The following CCDC88B variants were observed in gnomAD, a reference collection of about 807,000 sequenced individuals.
CCDC88B encodes the protein coiled-coil domain-containing protein 88B.
A neutral mutation model predicts 183.7 loss-of-function variants in CCDC88B; 138 were observed. The ratio of observed to expected loss-of-function variants is 0.75; its 90% CI spans 0.65 to 0.87. CCDC88B has a LOEUF of 0.87. Ranked by LOEUF, CCDC88B falls within the 40% of genes least tolerant of loss-of-function variation. The pLI, the probability that CCDC88B is intolerant of heterozygous loss-of-function variation, is 0.00. For synonymous variants in CCDC88B, 835 were observed against 867.5 expected (o/e 0.96, Z 0.66); for missense variants, 1,822 against 1,965.6 (o/e 0.93, Z 1.38).
At chr11:64,343,428 A>T in intron 11 of CCDC88B, 79 bp from the exon 12 acceptor site, 1 of 1,535,256 alleles carries the variant, frequency 6.5e-7, no homozygotes, top group Non-Finnish European at 8.8e-7. Flanking sequence ...GCTCTTGGTG[A>T]CCTCTAGTGA....
At chr11:64,351,805 A>G (rs557789275) in intron 18 of CCDC88B, among the ~76,000 whole-genome samples, 189 bp downstream of exon 18, 12 of 143,620 alleles carry the variant, frequency 8.4e-5, no homozygotes, top group Admixed American at 2.7e-4. Context: ...ATCTCCTCCT[A>G]CCTGCCGCCA....
chr11:64,352,140 C>T lies in CCDC88B; in HGVS notation c.3110C>T (p.Ser1037Phe), dbSNP rs114080591. 461 of 1,572,574 alleles carry T rather than the reference C, an allele frequency of 2.9e-4. 3 individuals are homozygous for T. The African/African-American group carries it at 5.7e-3, about 19-fold the overall frequency. Residue 1037 changes from serine (S) to phenylalanine (F), a missense_variant, in exon 19 of 27, where the codon TCT (serine) becomes TTT (phenylalanine). By Grantham distance (155) the Ser-to-Phe change is radical (BLOSUM62 -2). Coordinates refer to ENST00000356786, the MANE Select transcript of CCDC88B (RefSeq NM_032251.6). ...CCTCCTCCATCCTAGGCCGAGAAGT[C>T]TGTGCTGGAGATTCAGGGCCAGGAG... ...EHSSRLQAEK[S>F]VLEIQGQELH...
At position 64,357,026 on chromosome 11, in the gene CCDC88B, C is replaced by T. The variant is rs2036567215; in HGVS notation, c.4376-13C>T. 3.2e-6 allele frequency: 5 copies of T among 1,567,968 alleles called. No homozygotes were observed. Among genetic ancestry groups the T allele is most frequent in the Non-Finnish European group, 4.3e-6 (5 of 1,154,798 alleles). Reference sequence around the variant, plus strand: ...CTGAGGGAAGCAGATCTCAGCTGAGCCTTTCCCTCTAGGCCCTGAGGTACA... The same window carrying T: ...CTGAGGGAAGCAGATCTCAGCTGAGTCTTTCCCTCTAGGCCCTGAGGTACA... On this transcript the variant is annotated splice_polypyrimidine_tract_variant and intron_variant, in intron 26 of 26. Transcript: ENST00000356786.
In CCDC88B at chr11:64,344,030, GTTC is replaced by G; in HGVS notation, c.1493_1495del (p.Leu498del). 1 of 1,571,916 alleles carries G rather than the reference GTTC, an allele frequency of 6.4e-7. No individual in the cohort carries two copies. Among genetic ancestry groups the G allele is most frequent in the African/African-American group, 1.4e-5 (1 of 73,142 alleles). On this transcript the variant is annotated inframe_deletion, in exon 14 of 27. Coordinates refer to ENST00000356786, the MANE Select transcript of CCDC88B (RefSeq NM_032251.6). This position sits in a 1 kb window ranked among gnomAD's most constrained non-coding sequence, Gnocchi z 4.5. ...GCTGGAGGCACCGAGAGAGGACCCT[GTTC>G]TTCCAGTGCTGGAGGAGGCTCCCCA...
intron 15 of CCDC88B, 31 bp from the exon 16 acceptor site, chr11:64,349,520 T>TGGGGGGGGGGGGGGGGGGGGGGG: frequency 2.4e-6 from 1 of 423,960 alleles, no homozygotes. Context: ...GAGGGTGGGG[T>TGGGGGGGGGGGGGGGGGGGGGGG]GGGGCTGGGT....
Position 64,353,825 on chromosome 11 carries a change from T to C in CCDC88B, c.3932+12T>C. On this transcript the variant is annotated intron_variant, in intron 23 of 26. Transcript: ENST00000356786. ...CTGCCCCGGACCAAGTGAGCAGCCC[T>C]GTCACCTCCCTCAGGCTGGACATCC... is the stretch of plus-strand genomic sequence containing the variant. 6.2e-7 allele frequency: 1 copy of C among 1,613,594 alleles called. No individual in the cohort carries two copies. Among genetic ancestry groups the C allele is most frequent in the Non-Finnish European group, 8.5e-7 (1 of 1,179,600 alleles).
In CCDC88B at chr11:64,341,147, C is replaced by T. The variant is rs1277188792; in HGVS notation, c.357C>T (p.Asp119=). 2.5e-6 allele frequency: 4 copies of T among 1,614,000 alleles called. No individual in the cohort carries two copies. The African/African-American group carries it at 5.3e-5, about 22-fold the overall frequency. Residue 119 remains aspartate (D), a synonymous_variant, in exon 4 of 27, where the codon GAC becomes GAT. Transcript: ENST00000356786. ...LQLLILSPPP[D]LQTLGFDPLS... is the part of the protein sequence containing the mutation. ...TGCTGATCCTGTCGCCACCCCCAGA[C>T]CTCCAGACATTGGGATTTGACCCTC...
chr11:64,357,010 G>C, intron 26 of CCDC88B, 29 bp from the exon 27 acceptor site: 1 of 1,544,780 alleles, frequency 6.5e-7, no homozygotes, highest in Non-Finnish European at 8.7e-7. Context: ...CCTGAGGGAA[G>C]CAGATCTCAG....
intron 24 of CCDC88B, among the ~76,000 whole-genome samples, chr11:64,354,698 C>CA (rs1438377178): frequency 3.4e-5 from 2 of 58,216 alleles, no homozygotes; most frequent in South Asian, 7.9e-4. Flanking sequence ...TCCGCCCCCC[C>CA]CCTCTGACCC....
intron 26 of CCDC88B, 86 bp downstream of exon 26, chr11:64,355,714 A>T: frequency 7.6e-7 from 1 of 1,307,328 alleles, no homozygotes; most frequent in Non-Finnish European, 1.0e-6. Flanking sequence ...CTTTCATTCG[A>T]CAATGATCCT....
At chr11:64,352,478 C>T in intron 19 of CCDC88B, 92 bp downstream of exon 19, 1 of 1,435,282 alleles carries the variant, frequency 7.0e-7, no homozygotes, top group Non-Finnish European at 9.2e-7. Flanking sequence ...CATCAGGAAG[C>T]ACCTCCACCT....
Position 64,341,401 on chromosome 11 carries a change from C to T in CCDC88B, c.448-20C>T, listed in dbSNP as rs758521714. 3.7e-6 allele frequency: 6 copies of T among 1,613,976 alleles called. No homozygotes were observed. The South Asian group carries it at 6.6e-5, about 18-fold the overall frequency. On this transcript the variant is annotated intron_variant, in intron 5 of 26. Transcript: ENST00000356786. The stretch of plus-strand genomic sequence containing the variant: ...GAGGAGGGAGATCCTGCACCAGCTC[C>T]CCTTCCTGTCTCCCCTCAGTGTGAG...
intron 26 of CCDC88B, 58 bp from the exon 27 acceptor site, chr11:64,356,981 C>T: frequency 6.6e-6 from 10 of 1,507,764 alleles, no homozygotes; most frequent in Non-Finnish European, 8.9e-6. Context: ...TGTGGGCCTC[C>T]TGGGACTCTG....
chr11:64,341,848 T>C (rs1170195274), intron 7 of CCDC88B, 106 bp downstream of exon 7: 1 of 732,598 alleles, frequency 1.4e-6, no homozygotes, highest in Non-Finnish European at 1.8e-6. Flanking sequence ...CATGGGGTTG[T>C]GGTCTGAGGT....
At chr11:64,341,969 C>CTGACCCT (rs1365446063) in intron 7 of CCDC88B, 25 bp from the exon 8 acceptor site, 1 of 1,612,242 alleles carries the variant, frequency 6.2e-7, no homozygotes, top group Non-Finnish European at 8.5e-7. Context: ...TAAGTTAGTC[C>CTGACCCT]TGACCCTTGA....
At chr11:64,355,519 C>T (rs772991413) in intron 25 of CCDC88B, 41 bp from the exon 26 acceptor site, 24 of 1,608,634 alleles carry the variant, frequency 1.5e-5, no homozygotes, top group South Asian at 8.8e-5. Context: ...TGTCCACTTC[C>T]GCACTGGCCC....
At position 64,341,655 on chromosome 11, in the gene CCDC88B, G is replaced by A. The variant is rs1311450034; in HGVS notation, c.588G>A (p.Glu196=). Residue 196 remains glutamate (E), a synonymous_variant, in exon 7 of 27, where the codon GAG becomes GAA. Coordinates refer to ENST00000356786, the MANE Select transcript of CCDC88B (RefSeq NM_032251.6). ...VLALSGPDPG[E]LAPAELEMLS... ...CACTGTCTGGGCCAGATCCTGGGGA[G>A]CTGGCACCTGCCGAGCTGGAGATGC... is the stretch of plus-strand genomic sequence containing the variant. 6.2e-7 allele frequency: 1 copy of A among 1,607,498 alleles called. No individual in the cohort carries two copies. Among genetic ancestry groups the A allele is most frequent in the Non-Finnish European group, 8.5e-7 (1 of 1,177,268 alleles).
intron 26 of CCDC88B, chr11:64,356,708 C>T (rs2135316748): frequency 2.5e-6 from 1 of 401,250 alleles, no homozygotes; most frequent in Non-Finnish European, 4.5e-6. Context: ...CGCTAATGCT[C>T]TGGGAAGAAA....
At chr11:64,342,879 G>C in intron 10 of CCDC88B, 199 bp downstream of exon 10, 1 of 538,866 alleles carries the variant, frequency 1.9e-6, no homozygotes, top group Non-Finnish European at 3.2e-6. Flanking sequence ...AGGGGAGTGG[G>C]GGGGCTGTGT....
Sources: allele counts gnomAD v4.1 joint callset (sites outside exome capture counted in the v4.1 genomes callset), GRCh38; gene constraint gnomAD v4.1.1; non-coding constraint Gnocchi (gnomAD v3.1); transcripts MANE v1.5; gene names NCBI Gene and HGNC (gene_info 2026-07-23, HGNC 2026-07-21).